The following RAD17 variants were observed in gnomAD, a reference collection of about 807,000 sequenced individuals.
RAD17 encodes RAD17 checkpoint clamp loader component, also known as cell cycle checkpoint protein RAD17.
Under a neutral mutation model 81.5 loss-of-function variants are expected in RAD17, and 31 were observed. That is an observed-to-expected ratio of 0.38 (90% CI 0.29 to 0.51). RAD17 has a LOEUF of 0.51. Among genes scored for constraint, RAD17 ranks in the 20% least tolerant of loss-of-function variants. The pLI is 0.88. For missense variants in RAD17, 681 were observed against 781.2 expected (o/e 0.87, Z 1.53); for synonymous variants, 261 against 266.2 (o/e 0.98, Z 0.19).
chr5:69,402,003 CAAAAAAAAA>C (rs1173414879), intron 17 of RAD17, among the ~76,000 whole-genome samples: 4 of 44,926 alleles, frequency 8.9e-5, no homozygotes, highest in Admixed American at 3.5e-4. Flanking sequence ...GACTCTGTCT[CAAAAAAAAA>C]AAAAAAAAAA....
At position 69,374,051 on chromosome 5, in the gene RAD17, T is replaced by G; in HGVS notation, c.231T>G (p.Asn77Lys). Residue 77 changes from asparagine to lysine, a missense_variant, in exon 5 of 19, where the codon AAT (asparagine) becomes AAG (lysine). Coordinates refer to ENST00000354868, the MANE Select transcript of RAD17 (RefSeq NM_133338.3). ...ATTCAAAAGAATATCTGTCTGAAAATGAACCATGGGTGGATAAATATAAAC... is the reference window on the plus strand; with the variant it reads ...ATTCAAAAGAATATCTGTCTGAAAAGGAACCATGGGTGGATAAATATAAAC... Reference protein sequence around the residue: ...LENSKEYLSENEPWVDKYKPE... With the variant: ...LENSKEYLSEKEPWVDKYKPE... 6.2e-7 allele frequency: 1 copy of G among 1,610,980 alleles called. No homozygotes were observed.
At chr5:69,413,796 C>A (rs1405380124) in intron 18 of RAD17, among the ~76,000 whole-genome samples, 1 of 152,226 alleles carries the variant, frequency 6.6e-6, no homozygotes, top group African/African-American at 2.4e-5. Flanking sequence ...TGGCCTCCCA[C>A]AGTGCAGATA....
chr5:69,393,127 C>G, intron 13 of RAD17, 28 bp from the exon 14 acceptor site: 2 of 1,470,036 alleles, frequency 1.4e-6, no homozygotes, highest in East Asian at 2.3e-5. Flanking sequence ...AAGGTATTAT[C>G]TTTAATAATT....
At chr5:69,387,183 GAA>G (rs1764267128) in intron 11 of RAD17, among the ~76,000 whole-genome samples, 1 of 151,912 alleles carries the variant, frequency 6.6e-6, no homozygotes, top group Non-Finnish European at 1.5e-5. Flanking sequence ...CTCGGCCTCT[GAA>G]AGTGCTGAGA....
chr5:69,385,244 G>A (rs1397034847), intron 8 of RAD17, among the ~76,000 whole-genome samples: 17 of 148,746 alleles, frequency 1.1e-4, no homozygotes, highest in Admixed American at 1.1e-3. Context: ...ACAGGCGTGA[G>A]CCACCATGCC....
chr5:69,400,193 CT>C, intron 17 of RAD17, 24 bp downstream of exon 17: 1 of 1,385,628 alleles, frequency 7.2e-7, no homozygotes, highest in Non-Finnish European at 9.5e-7. Flanking sequence ...TTTTTCTTTT[CT>C]TTTAAGAAGT....
intron 17 of RAD17, among the ~76,000 whole-genome samples, chr5:69,407,749 G>A (rs935325226): frequency 6.6e-6 from 1 of 151,492 alleles, no homozygotes; most frequent in African/African-American, 2.4e-5. Flanking sequence ...GCGGGGTTTC[G>A]CCATGTTGGC....
At chr5:69,394,338 C>T (rs1764744119) in intron 15 of RAD17, among the ~76,000 whole-genome samples, 1 of 151,876 alleles carries the variant, frequency 6.6e-6, no homozygotes, top group Non-Finnish European at 1.5e-5. Flanking sequence ...GCTGGGATTA[C>T]AGGAGTGAGC....
At chr5:69,403,725 G>T (rs946032210) in intron 17 of RAD17, among the ~76,000 whole-genome samples, 1 of 152,156 alleles carries the variant, frequency 6.6e-6, no homozygotes, top group African/African-American at 2.4e-5. Context: ...TTTGAGACCA[G>T]CCTAGGCAAC....
chr5:69,375,293 A>G (rs1561235846), intron 6 of RAD17, among the ~76,000 whole-genome samples: 4 of 152,202 alleles, frequency 2.6e-5, no homozygotes, highest in Admixed American at 1.3e-4. Context: ...TGTATTTAGC[A>G]CATCAGATTA....
chr5:69,380,160 C>T (rs1359055070), intron 6 of RAD17, among the ~76,000 whole-genome samples: 1 of 151,894 alleles, frequency 6.6e-6, no homozygotes, highest in Non-Finnish European at 1.5e-5. Flanking sequence ...GGATTATAGG[C>T]GTGAGCCACT....
chr5:69,378,955 A>T (rs1303679630), intron 6 of RAD17, among the ~76,000 whole-genome samples: 1 of 152,198 alleles, frequency 6.6e-6, no homozygotes, highest in South Asian at 2.1e-4. Context: ...AAAGTACAGT[A>T]AAAAGGCCGG....
At chr5:69,394,441 C>T (rs1281858151) in intron 15 of RAD17, among the ~76,000 whole-genome samples, 1 of 152,102 alleles carries the variant, frequency 6.6e-6, no homozygotes, top group Non-Finnish European at 1.5e-5. Context: ...AGAGAAAGAA[C>T]TGTACATGTT....
At chr5:69,369,712 T>C, upstream of RAD17, 2 of 1,551,112 alleles carry the variant, frequency 1.3e-6, no homozygotes, top group Non-Finnish European at 1.7e-6. Flanking sequence ...ATAACTCGGG[T>C]CGGTACTTCG....
At chr5:69,407,045 C>A (rs1422347399) in intron 17 of RAD17, among the ~76,000 whole-genome samples, 4 of 139,042 alleles carry the variant, frequency 2.9e-5, no homozygotes, top group African/African-American at 1.1e-4. Context: ...CTGTATCTCC[C>A]AGGCTGCAGT....
chr5:69,375,702 G>C (rs1263585159), intron 6 of RAD17, among the ~76,000 whole-genome samples: 1 of 152,052 alleles, frequency 6.6e-6, no homozygotes, highest in Non-Finnish European at 1.5e-5. Context: ...TAACCAGGAT[G>C]CCGTAATGCT....
At position 69,391,874 on chromosome 5, in the gene RAD17, A is replaced by G; in HGVS notation, c.1050A>G (p.Lys350=). 6.3e-7 allele frequency: 1 copy of G among 1,583,324 alleles called. No individual in the cohort carries two copies. The highest frequency in any genetic ancestry group is 8.5e-7 in the Non-Finnish European group (1 of 1,170,312). ...CAAGGAAAAAAGGAATGTCTTTAAAATCAGATGCTGTGCTGTCAAAATCAA... is the reference window on the plus strand; with the variant it reads ...CAAGGAAAAAAGGAATGTCTTTAAAGTCAGATGCTGTGCTGTCAAAATCAA... ...LRPRKKGMSL[K]SDAVLSKSKR... The change falls in exon 13 of 19, where the codon AAA becomes AAG. Residue 350 remains lysine (K), a synonymous_variant. Transcript: ENST00000354868.
Position 69,385,161 on chromosome 5 carries a change from T to C in RAD17, c.645+228T>C, listed in dbSNP as rs368231061. On this transcript the variant is annotated intron_variant, in intron 8 of 18. Transcript: ENST00000354868. ...TTTTTTAGTAGAGACGGGGTTTCAC[T>C]GTGTTAGCCAGGATGGTCTCGATCT... Among the ~76,000 whole-genome samples the C allele has an allele frequency of 1.5e-3, 224 of 151,806 alleles. 10 individuals carry two copies. In the South Asian group the frequency reaches 0.04, roughly 27 times the overall value.
chr5:69,389,003 CTTT>C, intron 11 of RAD17, 28 bp from the exon 12 acceptor site: 1 of 1,181,124 alleles, frequency 8.5e-7, no homozygotes, highest in African/African-American at 1.6e-5. Context: ...TAAGAAAATA[CTTT>C]TTTTTAAATT....
Sources: allele counts gnomAD v4.1 joint callset (sites outside exome capture counted in the v4.1 genomes callset), GRCh38; gene constraint gnomAD v4.1.1; transcripts MANE v1.5; gene names NCBI Gene and HGNC (gene_info 2026-07-23, HGNC 2026-07-21).